GRIN2A: variants seen among roughly 807,000 people sequenced by gnomAD.
GRIN2A encodes the protein glutamate receptor ionotropic, NMDA 2A.
Under a neutral mutation model 113.4 loss-of-function variants are expected in GRIN2A, and 22 were observed. The observed-to-expected ratio is 0.19, with a 90% CI of 0.14 to 0.28. The LOEUF (loss-of-function observed/expected upper bound fraction) is 0.28. Among genes scored for constraint, GRIN2A ranks in the 10% least tolerant of loss-of-function variants. GRIN2A has a pLI of 1.00. For synonymous variants in GRIN2A, 827 were observed against 738.4 expected (o/e 1.12, Z -1.94); for missense variants, 1,502 against 1,887.0 (o/e 0.80, Z 3.78).
chr16:10,175,690 G>A (rs1264746572), intron 2 of GRIN2A, among the ~76,000 whole-genome samples: 1 of 152,176 alleles, frequency 6.6e-6, no homozygotes, highest in Non-Finnish European at 1.5e-5. Flanking sequence ...CATGAGGCTT[G>A]CATAGGAATA....
chr16:9,764,855 G>A lies in GRIN2A; in HGVS notation c.2689C>T (p.Leu897Phe). Reference sequence around the variant, plus strand: ...GAAATGTTTTTGGCTGACCGGAGGAGTTTTAACATGTTGCTCTGGGATCCC... The same window carrying A: ...GAAATGTTTTTGGCTGACCGGAGGAATTTTAACATGTTGCTCTGGGATCCC... Reference protein sequence around the residue: ...LTGSQSNMLKLLRSAKNISSM... With the variant: ...LTGSQSNMLKFLRSAKNISSM... The change falls in exon 13 of 13, where the codon CTC (leucine) becomes TTC (phenylalanine). Residue 897 changes from leucine to phenylalanine, a missense_variant. Coordinates refer to ENST00000330684, the MANE Select transcript of GRIN2A (RefSeq NM_001134407.3). The A allele has an allele frequency of 6.2e-7, 1 of 1,614,172 alleles. No individual in the cohort carries two copies.
intron 3 of GRIN2A, among the ~76,000 whole-genome samples, chr16:9,928,491 A>T (rs1223654549): frequency 6.6e-6 from 1 of 152,132 alleles, no homozygotes; most frequent in Non-Finnish European, 1.5e-5. Context: ...ATGTTGCCCA[A>T]ATCGTGTCCA....
rs571467101 is a variant in GRIN2A, at chr16:9,754,435, A to G, written c.*8714T>C. 73 of 210,892 alleles carry G rather than the reference A, an allele frequency of 3.5e-4. No homozygotes were observed. In the South Asian group the frequency reaches 0.013, roughly 39 times the overall value. The allele number at this position is 210,892 out of a possible 1,614,324, so 13.1% of individuals were successfully genotyped here. On this transcript the variant is annotated 3_prime_UTR_variant, in exon 13 of 13. Coordinates refer to ENST00000330684, the MANE Select transcript of GRIN2A (RefSeq NM_001134407.3). ...CTTGAACTTATATCTTAAGTAGGCA[A>G]TTAGCATCCCTTCCCAGTGAAAAAT...
At chr16:10,036,639 C>T (rs908273151) in intron 2 of GRIN2A, among the ~76,000 whole-genome samples, 10 of 150,472 alleles carry the variant, frequency 6.6e-5, no homozygotes, top group Non-Finnish European at 1.0e-4. Flanking sequence ...GTAGAGATGG[C>T]GTTTCACTGT....
chr16:9,807,440 AG>A (rs2042004942), intron 10 of GRIN2A, among the ~76,000 whole-genome samples: 1 of 150,284 alleles, frequency 6.7e-6, no homozygotes, highest in African/African-American at 2.5e-5. Context: ...AGAGAGACAG[AG>A]ACAGAGAGAG....
At chr16:9,971,733 G>T (rs894724499) in intron 2 of GRIN2A, among the ~76,000 whole-genome samples, 1 of 152,120 alleles carries the variant, frequency 6.6e-6, no homozygotes, top group South Asian at 2.1e-4. Flanking sequence ...AAGATAGCCA[G>T]AGTTCTGCTT....
At chr16:10,121,869 G>A (rs2048842311) in intron 2 of GRIN2A, among the ~76,000 whole-genome samples, 1 of 152,154 alleles carries the variant, frequency 6.6e-6, no homozygotes, top group African/African-American at 2.4e-5. Context: ...TAATATGAAA[G>A]ATTTCAAATA....
At chr16:9,865,949 T>A (rs1430796329) in intron 4 of GRIN2A, among the ~76,000 whole-genome samples, 1 of 152,256 alleles carries the variant, frequency 6.6e-6, no homozygotes, top group Admixed American at 6.5e-5. Context: ...ACAGCCATGC[T>A]TATTTCCTTA....
At position 9,849,925 on chromosome 16, in the gene GRIN2A, G is replaced by C. The variant is rs1444903192; in HGVS notation, c.1159C>G (p.His387Asp). The C allele has an allele frequency of 6.8e-6, 11 of 1,614,050 alleles. No homozygotes were observed. The Middle Eastern group carries it at 6.6e-4, about 97-fold the overall frequency. ...KWENHTLSLRHAVWPRYKSFS... is the reference protein window; with the variant it reads ...KWENHTLSLRDAVWPRYKSFS... ...GACTTGTACCTGGGCCACACGGCGT[G>C]CCTCAGGCTCAGCGTATGGTTCTCC... The change falls in exon 5 of 13, where the codon CAC (histidine) becomes GAC (aspartate). Residue 387 changes from histidine to aspartate, a missense_variant. Coordinates refer to ENST00000330684, the MANE Select transcript of GRIN2A (RefSeq NM_001134407.3).
At chr16:9,985,815 A>G (rs928100377) in intron 2 of GRIN2A, among the ~76,000 whole-genome samples, 2 of 152,138 alleles carry the variant, frequency 1.3e-5, no homozygotes, top group Non-Finnish European at 2.9e-5. Context: ...TCAACAATTT[A>G]TTGTACATTA....
chr16:9,910,561 A>G (rs1032930946), intron 3 of GRIN2A, among the ~76,000 whole-genome samples: 4 of 120,772 alleles, frequency 3.3e-5, no homozygotes, highest in African/African-American at 1.1e-4. Context: ...TTTTTTTGAG[A>G]CGGAGTCTTG....
intron 2 of GRIN2A, among the ~76,000 whole-genome samples, chr16:10,080,424 T>G (rs1335339225): frequency 2.0e-5 from 3 of 152,212 alleles, no homozygotes; most frequent in Non-Finnish European, 1.5e-5. Flanking sequence ...CCACTGTCTC[T>G]GCAAACGACA....
At position 9,829,321 on chromosome 16, in the gene GRIN2A, C is replaced by A. The variant is rs187193193; in HGVS notation, c.2007+102G>T. 52 of 744,520 alleles carry A rather than the reference C, an allele frequency of 7.0e-5. No homozygotes were observed. The Admixed American group carries it at 1.1e-3, about 16-fold the overall frequency. 46.1% of individuals were successfully genotyped at this position (744,520 alleles called of 1,614,324 possible). A position where few individuals can be genotyped will look rare whatever the true frequency, so the allele number is the denominator to read the frequency against. ...AAAAACCTTCTGGCTTTTGTGCATT[C>A]GAGTTGATGGATCTCAATGAGAGGC... On this transcript the variant is annotated intron_variant, in intron 9 of 12. Coordinates refer to ENST00000330684, the MANE Select transcript of GRIN2A (RefSeq NM_001134407.3).
At chr16:10,179,878 T>TCCCCCCCCCCC in intron 2 of GRIN2A, 120 bp downstream of exon 2, 1 of 443,686 alleles carries the variant, frequency 2.3e-6, no homozygotes, top group Non-Finnish European at 4.7e-6. Context: ...GCCACGACCC[T>TCCCCCCCCCCC]CCCACCCCCA....
At chr16:10,132,732 A>C (rs1026106278) in intron 2 of GRIN2A, among the ~76,000 whole-genome samples, 4 of 152,248 alleles carry the variant, frequency 2.6e-5, no homozygotes, top group African/African-American at 9.6e-5. Context: ...GACTGCAGAA[A>C]GAAGCAAAAT....
At chr16:9,967,660 C>G (rs545275076) in intron 2 of GRIN2A, among the ~76,000 whole-genome samples, 2 of 152,032 alleles carry the variant, frequency 1.3e-5, no homozygotes, top group South Asian at 4.1e-4. Context: ...GAGCCAAGAT[C>G]GCACCATTGC....
chr16:10,102,681 G>C lies in GRIN2A; in HGVS notation c.414+77317C>G, dbSNP rs555028624. On this transcript the variant is annotated intron_variant, in intron 2 of 12. Coordinates refer to ENST00000330684, the MANE Select transcript of GRIN2A (RefSeq NM_001134407.3). ...TGTGCCTCAGCCTCCCAAGTAGCTG[G>C]GATTACAGGCATGCACCACCATGCC... Among the ~76,000 whole-genome samples the C allele has an allele frequency of 3.9e-5, 6 of 152,114 alleles. No individual in the cohort carries two copies. In the South Asian group the frequency reaches 1.0e-3, roughly 26 times the overall value.
rs1236495136 is a variant in GRIN2A, at chr16:10,147,757, C to A, written c.414+32241G>T. On this transcript the variant is annotated intron_variant, in intron 2 of 12. Transcript: ENST00000330684. ...TCTACCTTAAAAACAGAAATGAAAACCCTTATGTGACCTCGTGTCCCTCTG... is the reference window on the plus strand; with the variant it reads ...TCTACCTTAAAAACAGAAATGAAAAACCTTATGTGACCTCGTGTCCCTCTG... Among the ~76,000 whole-genome samples, 23 of 152,174 alleles carry A rather than the reference C, an allele frequency of 1.5e-4. No individual in the cohort carries two copies. The East Asian group carries it at 4.1e-3, about 27-fold the overall frequency.
intron 2 of GRIN2A, among the ~76,000 whole-genome samples, chr16:10,166,028 A>C (rs528743355): frequency 2.1e-4 from 32 of 152,290 alleles, no homozygotes; most frequent in African/African-American, 7.7e-4. Context: ...CAGCTTCTTC[A>C]CATCGTTCTG....
Sources: gnomAD v4.1 joint callset for allele counts (sites outside exome capture counted in the v4.1 genomes callset) on GRCh38, gnomAD v4.1.1 for gene constraint, MANE v1.5 for transcripts, NCBI Gene and HGNC (gene_info 2026-07-23, HGNC 2026-07-21) for gene names.